The following ACTG2 variants were observed in gnomAD, a reference collection of about 807,000 sequenced individuals.
ACTG2 encodes the protein actin, gamma-enteric smooth muscle.
ACTG2 carries 16 observed loss-of-function variants against 37.6 expected under a neutral mutation model. The ratio of observed to expected loss-of-function variants is 0.43; its 90% CI spans 0.29 to 0.65. ACTG2 has a LOEUF of 0.65. ACTG2 is among the 30% of genes least tolerant of loss of function. The pLI, the probability that ACTG2 is intolerant of heterozygous loss-of-function variation, is 0.18. For synonymous variants in ACTG2, 181 were observed against 179.9 expected, an observed-to-expected ratio of 1.01 and a Z score of -0.05; for missense variants, 238 against 490.9, an observed-to-expected ratio of 0.48 and a Z score of 4.87.
intron 1 of ACTG2, among the ~76,000 whole-genome samples, chr2:73,893,488 A>C (rs1384301688): frequency 1.3e-5 from 2 of 152,202 alleles, no homozygotes; most frequent in Non-Finnish European, 2.9e-5. Context: ...TGAGCTGTTT[A>C]GTCCATGAAA....
At chr2:73,906,450 CAAAATAA>C (rs1558624962) in intron 3 of ACTG2, among the ~76,000 whole-genome samples, 3 of 122,034 alleles carry the variant, frequency 2.5e-5, no homozygotes, top group African/African-American at 6.2e-5. Flanking sequence ...GACTCCATCT[CAAAATAA>C]AAAATAAAAA....
In ACTG2 at chr2:73,916,631, A is replaced by G. The variant is rs1680274727; in HGVS notation, c.853A>G (p.Lys285Glu). 1 of 1,613,984 alleles carries G rather than the reference A, an allele frequency of 6.2e-7. No individual in the cohort carries two copies. The highest frequency in any genetic ancestry group is 1.7e-5 in the Admixed American group (1 of 59,994). Reference protein sequence around the residue: ...IHETTYNSIMKCDIDIRKDLY... With the variant: ...IHETTYNSIMECDIDIRKDLY... ...TGAGACAACCTACAATTCCATCATG[A>G]AGTGTGACATTGACATCCGTAAGGA... The change falls in exon 8 of 9, where the codon AAG becomes GAG. Residue 285 changes from lysine to glutamate, a missense_variant. Transcript: ENST00000345517.
chr2:73,906,866 A>G (rs1366330241), intron 3 of ACTG2, among the ~76,000 whole-genome samples: 2 of 152,260 alleles, frequency 1.3e-5, no homozygotes, highest in Non-Finnish European at 2.9e-5. Context: ...AATCAAGTGC[A>G]GATGCTTGAG....
At chr2:73,905,835 A>T (rs553891248) in intron 3 of ACTG2, among the ~76,000 whole-genome samples, 10 of 152,270 alleles carry the variant, frequency 6.6e-5, no homozygotes, top group African/African-American at 2.4e-4. Context: ...TAACTATCAT[A>T]GGATTATTTA....
chr2:73,912,226 C>G (rs573792178), intron 5 of ACTG2, among the ~76,000 whole-genome samples: 14 of 152,330 alleles, frequency 9.2e-5, no homozygotes, highest in African/African-American at 3.4e-4. Context: ...GATGTGATCT[C>G]AGCACACCAC....
chr2:73,902,820 C>A (rs2104808132), intron 3 of ACTG2: 2 of 1,501,160 alleles, frequency 1.3e-6, no homozygotes, highest in Admixed American at 2.0e-5. Flanking sequence ...CTTCATTAAC[C>A]AACAGGGGGT....
chr2:73,913,775 C>G, intron 6 of ACTG2, 129 bp downstream of exon 6: 1 of 788,558 alleles, frequency 1.3e-6, no homozygotes, highest in Non-Finnish European at 2.0e-6. Flanking sequence ...ACTGAGAGGC[C>G]TTAAGCTGGG....
chr2:73,902,347 T>G lies in ACTG2; in HGVS notation c.127-13T>G, dbSNP rs1726025. On this transcript the variant is annotated splice_polypyrimidine_tract_variant and intron_variant, in intron 2 of 8. Transcript: ENST00000345517. Reference sequence around the variant, plus strand: ...CAGCCATTCATTTCTCTTTTCTTCTTTTTGCATTGCAGGGTGTGATGGTGG... The same window carrying G: ...CAGCCATTCATTTCTCTTTTCTTCTGTTTGCATTGCAGGGTGTGATGGTGG... The G allele has an allele frequency of 6.2e-7, 1 of 1,612,700 alleles. No individual in the cohort carries two copies. Among genetic ancestry groups the G allele is most frequent in the Non-Finnish European group, 8.5e-7 (1 of 1,179,446 alleles).
rs183199902 is a variant in ACTG2, at chr2:73,895,408, G to A, written c.-37+2357G>A. ...ATATAGAACCTAGTGAAGATATCCT[G>A]AAGTTAATTAGAGGTGCTGTTAGAA... On this transcript the variant is annotated intron_variant, in intron 1 of 8. Transcript: ENST00000345517. Among the ~76,000 whole-genome samples the A allele has an allele frequency of 2.0e-3, 309 of 152,314 alleles. 1 individual carries two copies. The highest frequency in any genetic ancestry group is 3.0e-3 in the Admixed American group (46 of 15,292).
At chr2:73,899,416 C>T (rs1679828679) in intron 1 of ACTG2, among the ~76,000 whole-genome samples, 1 of 152,048 alleles carries the variant, frequency 6.6e-6, no homozygotes, top group Admixed American at 6.6e-5. Flanking sequence ...GAACTGTGTT[C>T]TTGCCACTGT....
intron 1 of ACTG2, among the ~76,000 whole-genome samples, chr2:73,896,167 CA>C (rs1679743345): frequency 6.6e-6 from 1 of 151,814 alleles, no homozygotes; most frequent in Non-Finnish European, 1.5e-5. Context: ...GACCCTGTTT[CA>C]ACAAAAAAAA....
rs1680340058 is a variant in ACTG2, at chr2:73,919,749, A to T, written c.*174A>T. 1 of 622,470 alleles carries T rather than the reference A, an allele frequency of 1.6e-6. No homozygotes were observed. The highest frequency in any genetic ancestry group is 1.9e-5 in the African/African-American group (1 of 53,788). The allele number at this position is 622,470 out of a possible 1,614,324, so 38.6% of individuals were successfully genotyped here. A position where few individuals can be genotyped will look rare whatever the true frequency, so the allele number is the denominator to read the frequency against. ...CTTTTAATCCATGCAATAGTGCTGT[A>T]AGGTAGGTGCTATCATTATACCCAT... On this transcript the variant is annotated 3_prime_UTR_variant, in exon 9 of 9. Transcript: ENST00000345517.
At chr2:73,913,705 G>C (rs1338345162) in intron 6 of ACTG2, 59 bp downstream of exon 6, 1 of 1,438,916 alleles carries the variant, frequency 6.9e-7, no homozygotes, top group African/African-American at 1.4e-5. Flanking sequence ...TTTAGGACAA[G>C]AAGTTCTCAG....
At position 73,919,536 on chromosome 2, in the gene ACTG2, T is replaced by C. The variant is rs1680335919; in HGVS notation, c.1092T>C (p.Asp364=). The change falls in exon 9 of 9, where the codon GAT becomes GAC. Residue 364 remains aspartate, a synonymous_variant. Coordinates refer to ENST00000345517, the MANE Select transcript of ACTG2 (RefSeq NM_001615.4). The part of the protein sequence containing the change: ...QQMWISKPEY[D]EAGPSIVHRK... ...TGTGGATCAGCAAGCCTGAGTATGA[T>C]GAGGCAGGGCCCTCCATTGTCCACA... 6.2e-7 allele frequency: 1 copy of C among 1,614,106 alleles called. No homozygotes were observed. The highest frequency in any genetic ancestry group is 1.7e-5 in the Admixed American group (1 of 59,994).
intron 3 of ACTG2, chr2:73,902,822 A>C: frequency 6.7e-7 from 1 of 1,499,846 alleles, no homozygotes; most frequent in East Asian, 2.5e-5. Context: ...TCATTAACCA[A>C]CAGGGGGTTC....
At chr2:73,900,934 A>T (rs1433299682) in intron 1 of ACTG2, among the ~76,000 whole-genome samples, 1 of 152,170 alleles carries the variant, frequency 6.6e-6, no homozygotes, top group Non-Finnish European at 1.5e-5. Context: ...CCCTCTTCTT[A>T]TAAAGACACC....
At position 73,916,743 on chromosome 2, in the gene ACTG2, C is replaced by T. The variant is rs1369788410; in HGVS notation, c.965C>T (p.Ala322Val). The T allele has an allele frequency of 2.5e-6, 4 of 1,613,748 alleles. No homozygotes were observed. Among genetic ancestry groups the T allele is most frequent in the East Asian group, 4.5e-5 (2 of 44,864 alleles). The change falls in exon 8 of 9, where the codon GCC (alanine) becomes GTC (valine). Residue 322 changes from alanine to valine, a missense_variant. Transcript: ENST00000345517. Reference protein sequence around the residue: ...DRMQKEITALAPSTMKIKIIA... With the variant: ...DRMQKEITALVPSTMKIKIIA... ...ATGCAGAAGGAGATCACAGCCCTGG[C>T]CCCCAGCACCATGAAGATCAAGGTG...
At chr2:73,912,640 A>G (rs73950309) in intron 5 of ACTG2, among the ~76,000 whole-genome samples, 3,491 of 152,234 alleles carry the variant, frequency 0.023, 131 homozygotes, top group African/African-American at 0.08. Context: ...CTGGACATTT[A>G]TTTTGCATCT....
intron 5 of ACTG2, among the ~76,000 whole-genome samples, chr2:73,912,256 C>A (rs1236860658): frequency 1.3e-5 from 2 of 152,218 alleles, no homozygotes; most frequent in African/African-American, 4.8e-5. Context: ...CTCCCGGGTT[C>A]AAGCGATTCT....
Sources: allele counts gnomAD v4.1 joint callset (sites outside exome capture counted in the v4.1 genomes callset), GRCh38; gene constraint gnomAD v4.1.1; transcripts MANE v1.5; gene names NCBI Gene and HGNC (gene_info 2026-07-23, HGNC 2026-07-21).